The following EPHX1 variants were observed in gnomAD, a reference collection of about 807,000 sequenced individuals.
EPHX1 encodes the protein epoxide hydratase.
In EPHX1, 40 loss-of-function variants were observed where a neutral mutation model predicts 43.2. That is an observed-to-expected ratio of 0.93 (90% CI 0.72 to 1.21). EPHX1 has a LOEUF of 1.21. EPHX1 is among the 50% of genes most tolerant of loss of function. EPHX1 has a pLI of 0.00. For missense variants in EPHX1, 550 were observed against 570.4 expected, an observed-to-expected ratio of 0.96 and a Z score of 0.36; for synonymous variants, 221 against 226.7, an observed-to-expected ratio of 0.98 and a Z score of 0.22.
chr1:225,842,654 G>A (rs1668526904), intron 7 of EPHX1, among the ~76,000 whole-genome samples, 180 bp downstream of exon 7: 1 of 152,248 alleles, frequency 6.6e-6, no homozygotes, highest in African/African-American at 2.4e-5. Context: ...AGGTGGCCTG[G>A]TGGGTTGTTC....
intron 1 of EPHX1, among the ~76,000 whole-genome samples, chr1:225,816,773 C>G (rs1350264407): frequency 6.6e-6 from 1 of 152,212 alleles, no homozygotes; most frequent in Non-Finnish European, 1.5e-5. Context: ...TGGCAGGCAG[C>G]AGGGCCAGGC....
chr1:225,826,447 C>CAGAAAAA (rs1667241235), intron 1 of EPHX1, among the ~76,000 whole-genome samples: 1 of 84,174 alleles, frequency 1.2e-5, no homozygotes, highest in Non-Finnish European at 2.2e-5. Context: ...GACTCTGTCT[C>CAGAAAAA]AAAAAAAAAA....
At chr1:225,820,336 A>G (rs1313867943) in intron 1 of EPHX1, among the ~76,000 whole-genome samples, 3 of 152,060 alleles carry the variant, frequency 2.0e-5, no homozygotes, top group African/African-American at 7.2e-5. Context: ...TGATCTGCCC[A>G]CCTTGGCCTC....
Position 225,839,814 on chromosome 1 carries a change from T to G in EPHX1, c.723-15T>G. 1 of 1,612,556 alleles carries G rather than the reference T, an allele frequency of 6.2e-7. No homozygotes were observed. The highest frequency in any genetic ancestry group is 8.5e-7 in the Non-Finnish European group (1 of 1,179,718). Reference sequence around the variant, plus strand: ...ACCAGCCCAGCCTCACCCCGGCCCCTCTCTCTGCCTTCAGCCACGTGAAAG... The same window carrying G: ...ACCAGCCCAGCCTCACCCCGGCCCCGCTCTCTGCCTTCAGCCACGTGAAAG... On this transcript the variant is annotated splice_polypyrimidine_tract_variant and intron_variant, in intron 5 of 8. Transcript: ENST00000272167.
At chr1:225,837,882 A>G (rs1302298961) in intron 3 of EPHX1, among the ~76,000 whole-genome samples, 1 of 152,208 alleles carries the variant, frequency 6.6e-6, no homozygotes, top group Non-Finnish European at 1.5e-5. Flanking sequence ...CATTTTGTCA[A>G]TGTGTATGAA....
Position 225,828,921 on chromosome 1 carries a change from C to G in EPHX1, c.183+9C>G. Reference sequence around the variant, plus strand: ...CAGATGAGGAGATCCACGTAAGGCACCTTGGGCCGGGCCGGGCTGGGCAGT... The same window carrying G: ...CAGATGAGGAGATCCACGTAAGGCAGCTTGGGCCGGGCCGGGCTGGGCAGT... On this transcript the variant is annotated intron_variant, in intron 2 of 8. Transcript: ENST00000272167. 1 of 1,559,398 alleles carries G rather than the reference C, an allele frequency of 6.4e-7. No individual in the cohort carries two copies. The highest frequency in any genetic ancestry group is 1.9e-5 in the Admixed American group (1 of 52,052).
chr1:225,834,433 G>A (rs988726917), intron 3 of EPHX1, among the ~76,000 whole-genome samples: 8 of 151,918 alleles, frequency 5.3e-5, no homozygotes, highest in Admixed American at 1.3e-4. Flanking sequence ...AAGGATGGAC[G>A]GAAACCTCGA....
At chr1:225,829,919 C>CA (rs1667483266) in intron 2 of EPHX1, among the ~76,000 whole-genome samples, 1 of 151,962 alleles carries the variant, frequency 6.6e-6, no homozygotes, top group African/African-American at 2.4e-5. Flanking sequence ...ACTAAAAATA[C>CA]AAAAAATTAG....
intron 1 of EPHX1, among the ~76,000 whole-genome samples, chr1:225,818,926 T>TAAAAAAA (rs546153231): frequency 1.0e-5 from 1 of 95,580 alleles, no homozygotes. Context: ...CTGTCTCCAT[T>TAAAAAAA]AAAAAAAAAA....
intron 1 of EPHX1, among the ~76,000 whole-genome samples, chr1:225,811,579 T>G (rs1391242460): frequency 1.3e-5 from 2 of 152,222 alleles, no homozygotes; most frequent in Non-Finnish European, 2.9e-5. Flanking sequence ...CTGTGCAGCC[T>G]CCTCTGCATC....
intron 6 of EPHX1, chr1:225,841,037 ACT>A (rs1668359243): frequency 6.6e-6 from 1 of 152,210 alleles, no homozygotes; most frequent in Admixed American, 6.5e-5. Context: ...CTTCAAAAGA[ACT>A]TGTGAACATT....
At chr1:225,839,690 TC>T in intron 5 of EPHX1, 138 bp from the exon 6 acceptor site, 1 of 1,000,628 alleles carries the variant, frequency 1.0e-6, no homozygotes, top group South Asian at 1.3e-5. Flanking sequence ...TCCCATGGCC[TC>T]CCCAGTGGGG....
intron 3 of EPHX1, among the ~76,000 whole-genome samples, chr1:225,837,230 CA>C (rs1246858423): frequency 6.6e-6 from 1 of 152,214 alleles, no homozygotes; most frequent in Non-Finnish European, 1.5e-5. Flanking sequence ...AAGTTTTCTA[CA>C]GTAAACATGT....
chr1:225,840,137 A>G (rs747721809), intron 6 of EPHX1, 100 bp downstream of exon 6: 2 of 1,141,916 alleles, frequency 1.8e-6, no homozygotes, highest in Non-Finnish European at 2.6e-6. Context: ...TGCCCACAGA[A>G]GGAAGCCTCT....
intron 3 of EPHX1, among the ~76,000 whole-genome samples, chr1:225,834,107 A>AG (rs1295178503): frequency 1.2e-5 from 1 of 81,560 alleles, no homozygotes. Flanking sequence ...CAAAAAAAAA[A>AG]AAAAGAAAAA....
chr1:225,838,809 G>A lies in EPHX1; in HGVS notation c.520G>A (p.Asp174Asn), dbSNP rs890559334. 1.9e-6 allele frequency: 3 copies of A among 1,614,194 alleles called. No homozygotes were observed. The highest frequency in any genetic ancestry group is 1.7e-5 in the Admixed American group (1 of 60,030). The change falls in exon 4 of 9, where the codon GAT becomes AAT. Residue 174 changes from aspartate to asparagine, a missense_variant. By Grantham distance (23) the Asp-to-Asn change is conservative. Coordinates refer to ENST00000272167, the MANE Select transcript of EPHX1 (RefSeq NM_001136018.4). ...LTDPKNHGLS[D>N]EHVFEVICPS... ...TGACCCCAAGAACCATGGCCTGAGC[G>A]ATGAGCACGTTTTTGAAGTCATCTG...
chr1:225,815,304 G>C (rs1666670000), intron 1 of EPHX1, among the ~76,000 whole-genome samples: 1 of 135,750 alleles, frequency 7.4e-6, no homozygotes, highest in African/African-American at 2.6e-5. Context: ...GGAGTGCAGT[G>C]GCGCCATCTC....
chr1:225,835,360 A>G (rs904181329), intron 3 of EPHX1, among the ~76,000 whole-genome samples: 5 of 147,446 alleles, frequency 3.4e-5, no homozygotes. Context: ...CTGGGACCAC[A>G]GGTATGCACC....
intron 6 of EPHX1, among the ~76,000 whole-genome samples, 154 bp from the exon 7 acceptor site, chr1:225,842,212 T>C (rs1341602925): frequency 1.3e-5 from 2 of 152,220 alleles, no homozygotes; most frequent in East Asian, 1.9e-4. Context: ...AAGCGAGGCA[T>C]GTGAGCACCC....
Sources: allele counts gnomAD v4.1 joint callset (sites outside exome capture counted in the v4.1 genomes callset), GRCh38; gene constraint gnomAD v4.1.1; transcripts MANE v1.5; gene names NCBI Gene and HGNC (gene_info 2026-07-23, HGNC 2026-07-21).